The following SGMS1 variants were observed in gnomAD, a reference collection of about 807,000 sequenced individuals.
SGMS1 encodes phosphatidylcholine:ceramide cholinephosphotransferase 1.
Under a neutral mutation model 46.2 loss-of-function variants are expected in SGMS1, and 13 were observed. The ratio of observed to expected loss-of-function variants is 0.28; its 90% CI spans 0.18 to 0.45. SGMS1 has a LOEUF of 0.45. Ranked by LOEUF, SGMS1 falls within the 20% of genes least tolerant of loss-of-function variation. The pLI is 1.00. For missense variants in SGMS1, 324 were observed against 519.9 expected (o/e 0.62, Z 3.66); for synonymous variants, 203 against 187.8 (o/e 1.08, Z -0.66).
chr10:50,311,350 A>G lies in SGMS1; in HGVS notation c.807T>C (p.Ser269=), dbSNP rs1375187455. 3 of 1,614,058 alleles carry G rather than the reference A, an allele frequency of 1.9e-6. No homozygotes were observed. Among genetic ancestry groups the G allele is most frequent in the South Asian group, 1.1e-5 (1 of 91,082 alleles). ...IMKLIAGGGL[S]ITGSHNMCGD... is the part of the protein sequence containing the mutation. ...CACACATGTTGTGAGAGCCAGTGAT[A>G]GACAAGCCACCTCCAGCAATGAGCT... The change falls in exon 9 of 11, where the codon TCT becomes TCC. Residue 269 remains serine (S), a synonymous_variant. Coordinates refer to ENST00000361781, the MANE Select transcript of SGMS1 (RefSeq NM_147156.4).
chr10:50,505,692 A>G (rs1837700633), intron 3 of SGMS1, among the ~76,000 whole-genome samples: 1 of 152,184 alleles, frequency 6.6e-6, no homozygotes, highest in African/African-American at 2.4e-5. Flanking sequence ...GCCCTCAAGG[A>G]GTTCATATGC....
chr10:50,563,849 G>T (rs1249190672), intron 2 of SGMS1, among the ~76,000 whole-genome samples: 2 of 152,120 alleles, frequency 1.3e-5, no homozygotes, highest in Non-Finnish European at 2.9e-5. Context: ...CAGGCCCAGG[G>T]TTTCTGATTA....
rs1435792742 is a variant in SGMS1, at chr10:50,594,008, ACTC to A, written c.-683-3764_-683-3762del. ...CTGGACTACGGATTGCACGTGTTCAACTCCTCTAATGCCAAATTGTTTTCCAAA... is the reference window on the plus strand; with the variant it reads ...CTGGACTACGGATTGCACGTGTTCAACTCTAATGCCAAATTGTTTTCCAAA... On this transcript the variant is annotated intron_variant, in intron 1 of 10. Transcript: ENST00000361781. Among the ~76,000 whole-genome samples, 8 of 152,138 alleles carry A rather than the reference ACTC, an allele frequency of 5.3e-5. No individual in the cohort carries two copies. In the South Asian group the frequency reaches 1.5e-3, roughly 28 times the overall value.
chr10:50,562,715 T>C (rs1364453096), intron 2 of SGMS1, among the ~76,000 whole-genome samples: 2 of 152,106 alleles, frequency 1.3e-5, no homozygotes, highest in Non-Finnish European at 2.9e-5. Flanking sequence ...GGCTAATTTT[T>C]TTGTATTTTT....
chr10:50,350,668 C>T (rs1161601217), intron 6 of SGMS1, among the ~76,000 whole-genome samples: 2 of 152,220 alleles, frequency 1.3e-5, no homozygotes, highest in African/African-American at 2.4e-5. Flanking sequence ...GCTGTGGCTT[C>T]AGAGGGTGGA....
intron 2 of SGMS1, among the ~76,000 whole-genome samples, chr10:50,545,363 G>A (rs1231728304): frequency 6.6e-6 from 1 of 152,178 alleles, no homozygotes; most frequent in Non-Finnish European, 1.5e-5. Context: ...GTCGACTCAT[G>A]GGTTGGTAAG....
In SGMS1 at chr10:50,621,827, T is replaced by C. The variant is rs564385509; in HGVS notation, c.-684+1880A>G. 2.3e-3 allele frequency among the ~76,000 whole-genome samples: 353 copies of C among 152,352 alleles called. 2 individuals carry two copies. Among genetic ancestry groups the C allele is most frequent in the South Asian group, 6.8e-3 (33 of 4,822 alleles). On this transcript the variant is annotated intron_variant, in intron 1 of 10. Transcript: ENST00000361781. Reference sequence around the variant, plus strand: ...ACTTCACTGTTTTTACATATCACTGTCACTTTCTGCAGAGTAACTACTTAA... The same window carrying C: ...ACTTCACTGTTTTTACATATCACTGCCACTTTCTGCAGAGTAACTACTTAA...
At position 50,344,208 on chromosome 10, in the gene SGMS1, T is replaced by G; in HGVS notation, c.-94A>C. ...CAGGACACTGTCCTGCCTCGGCTCG[T>G]TCATCCTGTGGGGCCTCATGAGCAG... On this transcript the variant is annotated 5_prime_UTR_variant, in exon 7 of 11. Transcript: ENST00000361781. 6.7e-7 allele frequency: 1 copy of G among 1,482,988 alleles called. No individual in the cohort carries two copies. The highest frequency in any genetic ancestry group is 8.9e-7 in the Non-Finnish European group (1 of 1,119,618). 91.9% of individuals were successfully genotyped at this position (1,482,988 alleles called of 1,614,324 possible).
chr10:50,500,342 A>G (rs1005910339), intron 3 of SGMS1, among the ~76,000 whole-genome samples: 1 of 152,254 alleles, frequency 6.6e-6, no homozygotes, highest in Non-Finnish European at 1.5e-5. Context: ...TGTTCTGTTT[A>G]TAGAAATTTA....
chr10:50,590,820 T>A (rs935667613), intron 1 of SGMS1: 2 of 152,186 alleles, frequency 1.3e-5, no homozygotes, highest in South Asian at 4.1e-4. Flanking sequence ...GGTCTTCATC[T>A]TATAGCTGAA....
chr10:50,328,259 CTT>C (rs1020596400), intron 7 of SGMS1: 64 of 225,918 alleles, frequency 2.8e-4, no homozygotes, highest in African/African-American at 1.4e-3. Flanking sequence ...CTACCTCTCT[CTT>C]GTAGTACCAC....
chr10:50,596,854 G>A (rs1196349558), intron 1 of SGMS1, among the ~76,000 whole-genome samples: 1 of 152,122 alleles, frequency 6.6e-6, no homozygotes, highest in Non-Finnish European at 1.5e-5. Context: ...AACAGAAAAG[G>A]AAATTGATTC....
chr10:50,482,424 C>T (rs1052630884), intron 3 of SGMS1, among the ~76,000 whole-genome samples: 1 of 152,106 alleles, frequency 6.6e-6, no homozygotes, highest in Non-Finnish European at 1.5e-5. Context: ...CCAAACTAAG[C>T]TTCATAAGCA....
intron 6 of SGMS1, among the ~76,000 whole-genome samples, chr10:50,423,570 A>G (rs1849282976): frequency 6.6e-6 from 1 of 152,190 alleles, no homozygotes; most frequent in African/African-American, 2.4e-5. Context: ...CCAGGTAATA[A>G]ATTACATTCT....
chr10:50,326,852 G>C (rs1442349700), intron 8 of SGMS1, among the ~76,000 whole-genome samples: 1 of 152,008 alleles, frequency 6.6e-6, no homozygotes, highest in Non-Finnish European at 1.5e-5. Context: ...GAAGGAAAAT[G>C]GAAAAAATGT....
chr10:50,564,413 T>C (rs932303516), intron 2 of SGMS1, among the ~76,000 whole-genome samples: 2 of 152,220 alleles, frequency 1.3e-5, no homozygotes, highest in African/African-American at 4.8e-5. Context: ...GCACCTGCAA[T>C]ATGACATTAC....
chr10:50,412,607 G>C (rs1273194675), intron 6 of SGMS1, among the ~76,000 whole-genome samples: 1 of 152,170 alleles, frequency 6.6e-6, no homozygotes, highest in Non-Finnish European at 1.5e-5. Context: ...GGCTGAGAGG[G>C]TATAAGAAAT....
chr10:50,493,164 A>G (rs979215928), intron 3 of SGMS1, among the ~76,000 whole-genome samples: 1 of 152,258 alleles, frequency 6.6e-6, no homozygotes, highest in Non-Finnish European at 1.5e-5. Flanking sequence ...ATAAGACTGC[A>G]TACCTACAGC....
At chr10:50,312,209 T>C (rs1192125614) in intron 8 of SGMS1, among the ~76,000 whole-genome samples, 1 of 152,148 alleles carries the variant, frequency 6.6e-6, no homozygotes, top group African/African-American at 2.4e-5. Flanking sequence ...TTAATTACCA[T>C]GATTTCAATA....
Sources: allele counts gnomAD v4.1 joint callset (sites outside exome capture counted in the v4.1 genomes callset), GRCh38; gene constraint gnomAD v4.1.1; transcripts MANE v1.5; gene names NCBI Gene and HGNC (gene_info 2026-07-23, HGNC 2026-07-21).